The following NRXN1 variants were observed in gnomAD, a reference collection of about 807,000 sequenced individuals.
The protein encoded by NRXN1 is neurexin 1.
Under a neutral mutation model 150.9 loss-of-function variants are expected in NRXN1, and 39 were observed. That is an observed-to-expected ratio of 0.26 (90% CI 0.20 to 0.34). The LOEUF (loss-of-function observed/expected upper bound fraction) is 0.34. NRXN1 is among the 10% of genes least tolerant of loss of function. The pLI is 1.00. For synonymous variants in NRXN1, 924 were observed against 757.0 expected (o/e 1.22, Z -3.62); for missense variants, 1,815 against 1,949.9 (o/e 0.93, Z 1.30).
At chr2:51,008,709 C>T (rs1301074595) in intron 2 of NRXN1, among the ~76,000 whole-genome samples, 2 of 151,550 alleles carry the variant, frequency 1.3e-5, no homozygotes, top group Admixed American at 6.6e-5. Context: ...CCTAACATAA[C>T]ATTTTAGCTC....
At chr2:50,686,769 CA>C (rs1166603938) in intron 5 of NRXN1, among the ~76,000 whole-genome samples, 3 of 152,134 alleles carry the variant, frequency 2.0e-5, no homozygotes, top group Admixed American at 6.5e-5. Flanking sequence ...GTCAATGAAG[CA>C]AAGACTTTCT....
intron 22 of NRXN1, among the ~76,000 whole-genome samples, chr2:49,926,868 G>T (rs1237826849): frequency 6.6e-6 from 1 of 152,180 alleles, no homozygotes; most frequent in Non-Finnish European, 1.5e-5. Context: ...TTAGACTTCA[G>T]TACAGACCAG....
intron 17 of NRXN1, among the ~76,000 whole-genome samples, chr2:50,275,286 T>C (rs1443684375): frequency 6.6e-6 from 1 of 152,204 alleles, no homozygotes; most frequent in African/African-American, 2.4e-5. Context: ...GGATGATTAC[T>C]GCAGCAAGAA....
In NRXN1 at chr2:50,128,983, C is replaced by CAATAAATAAATA. The variant is rs1553641018; in HGVS notation, c.3547-37501_3547-37490dup. Among the ~76,000 whole-genome samples the CAATAAATAAATA allele has an allele frequency of 9.4e-3, 1,376 of 146,862 alleles. 34 individuals are homozygous for CAATAAATAAATA. The highest frequency in any genetic ancestry group is 0.033 in the African/African-American group (1,312 of 39,246). ...GAGCGACAAGAGTGAGACTCCATCTCAATAAATAAATAAATAAATAAATAA... is the reference window on the plus strand; with the variant it reads ...GAGCGACAAGAGTGAGACTCCATCTCAATAAATAAATAAATAAATAAATAAATAAATAAATAA... On this transcript the variant is annotated intron_variant, in intron 18 of 22. Coordinates refer to ENST00000401669, the MANE Select transcript of NRXN1 (RefSeq NM_001330078.2).
intron 5 of NRXN1, among the ~76,000 whole-genome samples, chr2:50,723,586 T>A (rs1574247098): frequency 6.6e-6 from 1 of 152,328 alleles, no homozygotes; most frequent in East Asian, 1.9e-4. Flanking sequence ...TCATCTGAAT[T>A]CAAGAACTGG....
intron 5 of NRXN1, among the ~76,000 whole-genome samples, chr2:50,660,800 A>G (rs1323321093): frequency 1.3e-5 from 2 of 152,144 alleles, no homozygotes; most frequent in African/African-American, 4.8e-5. Flanking sequence ...CACGTAGTCC[A>G]TTCATCAATA....
In NRXN1 at chr2:50,663,679, T is replaced by C. The variant is rs545849279; in HGVS notation, c.833-40064A>G. On this transcript the variant is annotated intron_variant, in intron 5 of 22. Coordinates refer to ENST00000401669, the MANE Select transcript of NRXN1 (RefSeq NM_001330078.2). ...TGTAGTAAAGGTAATTTCAATTCAT[T>C]CTGGGTTGCAGAAAAATGTGAATCT... Among the ~76,000 whole-genome samples the C allele has an allele frequency of 4.6e-5, 7 of 152,154 alleles. No homozygotes were observed. In the South Asian group the frequency reaches 1.0e-3, roughly 23 times the overall value.
intron 11 of NRXN1, among the ~76,000 whole-genome samples, chr2:50,529,965 T>C (rs1016837367): frequency 5.9e-5 from 9 of 152,208 alleles, no homozygotes; most frequent in Admixed American, 2.6e-4. Context: ...TTATGAGTTA[T>C]CGTTCTGCCC....
intron 5 of NRXN1, among the ~76,000 whole-genome samples, chr2:50,797,672 C>T (rs1371238738): frequency 2.0e-5 from 3 of 152,190 alleles, no homozygotes; most frequent in Admixed American, 1.3e-4. Flanking sequence ...GAAATTATTC[C>T]AGCGCAATCT....
intron 17 of NRXN1, among the ~76,000 whole-genome samples, chr2:50,403,392 AAATC>A (rs2082528896): frequency 6.6e-6 from 1 of 152,112 alleles, no homozygotes; most frequent in African/African-American, 2.4e-5. Context: ...CAAACCTACT[AAATC>A]AGAATCTGCA....
At chr2:50,895,508 G>A (rs549462799) in intron 5 of NRXN1, among the ~76,000 whole-genome samples, 1 of 152,064 alleles carries the variant, frequency 6.6e-6, no homozygotes, top group South Asian at 2.1e-4. Context: ...GCACTGAAAT[G>A]AGTGGGTCAC....
At chr2:50,595,164 A>C (rs1358824608) in intron 8 of NRXN1, among the ~76,000 whole-genome samples, 1 of 150,842 alleles carries the variant, frequency 6.6e-6, no homozygotes, top group Non-Finnish European at 1.5e-5. Flanking sequence ...AGGGCTTTTG[A>C]AATGATGGTG....
chr2:50,795,706 C>A, intron 5 of NRXN1, among the ~76,000 whole-genome samples: 1 of 152,270 alleles, frequency 6.6e-6, no homozygotes, highest in Non-Finnish European at 1.5e-5. Context: ...CCATGTGGAA[C>A]TGCTCAGTAC....
At chr2:50,888,192 C>T (rs953406702) in intron 5 of NRXN1, among the ~76,000 whole-genome samples, 7 of 151,310 alleles carry the variant, frequency 4.6e-5, no homozygotes, top group African/African-American at 1.7e-4. Flanking sequence ...CAATACTAAC[C>T]CCAAACATTA....
chr2:50,799,464 G>A (rs1224180237), intron 5 of NRXN1, among the ~76,000 whole-genome samples: 2 of 152,128 alleles, frequency 1.3e-5, no homozygotes, highest in African/African-American at 2.4e-5. Flanking sequence ...AGGTGGGCTG[G>A]GGGATGTGTT....
At chr2:50,854,953 AG>A (rs1301783906) in intron 5 of NRXN1, among the ~76,000 whole-genome samples, 3 of 152,030 alleles carry the variant, frequency 2.0e-5, no homozygotes, top group Non-Finnish European at 4.4e-5. Context: ...GACAGATTAC[AG>A]GGTCCTCACT....
intron 18 of NRXN1, among the ~76,000 whole-genome samples, chr2:50,107,605 A>AAC: frequency 6.8e-6 from 1 of 147,760 alleles, no homozygotes; most frequent in East Asian, 2.0e-4. Flanking sequence ...AGAAAAAAAA[A>AAC]CTACCCAGCT....
intron 19 of NRXN1, among the ~76,000 whole-genome samples, chr2:50,059,399 A>G (rs1354557057): frequency 6.6e-6 from 1 of 152,220 alleles, no homozygotes; most frequent in Non-Finnish European, 1.5e-5. Flanking sequence ...ATTCATTTAT[A>G]AAGATACAGT....
intron 5 of NRXN1, among the ~76,000 whole-genome samples, chr2:50,784,743 C>T (rs1205053441): frequency 6.6e-6 from 1 of 151,922 alleles, no homozygotes; most frequent in Non-Finnish European, 1.5e-5. Flanking sequence ...AGGCAGGGAA[C>T]AAATTAGGGA....
Sources: allele counts gnomAD v4.1 joint callset (sites outside exome capture counted in the v4.1 genomes callset), GRCh38; gene constraint gnomAD v4.1.1; transcripts MANE v1.5; gene names NCBI Gene and HGNC (gene_info 2026-07-23, HGNC 2026-07-21).